PTPRM: variants seen among roughly 807,000 people sequenced by gnomAD.
PTPRM encodes receptor-type tyrosine-protein phosphatase mu.
PTPRM carries 47 observed loss-of-function variants against 186.7 expected under a neutral mutation model. The ratio of observed to expected loss-of-function variants is 0.25; its 90% CI spans 0.20 to 0.32. The LOEUF (loss-of-function observed/expected upper bound fraction) is 0.32. Ranked by LOEUF, PTPRM falls within the 10% of genes least tolerant of loss-of-function variation. PTPRM has a pLI of 1.00. For missense variants in PTPRM, 1,494 were observed against 1,865.0 expected, an observed-to-expected ratio of 0.80 and a Z score of 3.66; for synonymous variants, 668 against 674.9, an observed-to-expected ratio of 0.99 and a Z score of 0.16.
chr18:8,326,296 A>G (rs557677985), intron 22 of PTPRM, among the ~76,000 whole-genome samples: 3 of 152,358 alleles, frequency 2.0e-5, no homozygotes, highest in African/African-American at 7.2e-5. Context: ...TGATACAAAC[A>G]GTGAAAAAAT....
intron 23 of PTPRM, among the ~76,000 whole-genome samples, chr18:8,363,940 A>G (rs1172929884): frequency 6.6e-6 from 1 of 152,246 alleles, no homozygotes; most frequent in East Asian, 1.9e-4. Flanking sequence ...TGCCCATTAA[A>G]TAACAACATT....
chr18:7,769,930 A>G (rs1039494601), intron 1 of PTPRM, among the ~76,000 whole-genome samples: 2 of 152,180 alleles, frequency 1.3e-5, no homozygotes, highest in African/African-American at 4.8e-5. Flanking sequence ...AGTGATGCCA[A>G]CACCACCCCA....
chr18:8,212,720 T>A (rs62091309), intron 14 of PTPRM, among the ~76,000 whole-genome samples: 46,083 of 152,104 alleles, frequency 0.3, 8,208 homozygotes, highest in East Asian at 0.71. Flanking sequence ...GGCAGAAGGA[T>A]CACTTGAGCC....
At chr18:8,171,511 A>G (rs1568460592) in intron 14 of PTPRM, among the ~76,000 whole-genome samples, 1 of 152,180 alleles carries the variant, frequency 6.6e-6, no homozygotes, top group Admixed American at 6.5e-5. Flanking sequence ...AGGGGAAAAA[A>G]TTGTGTCCTT....
At chr18:8,135,159 A>T (rs1396207240) in intron 13 of PTPRM, among the ~76,000 whole-genome samples, 1 of 152,138 alleles carries the variant, frequency 6.6e-6, no homozygotes, top group African/African-American at 2.4e-5. Context: ...TACAATTCAG[A>T]GTGTCTTCCA....
rs151181344 is a variant in PTPRM at position 7,742,927 on chromosome 18, A to T, written c.74-31222A>T. Among the ~76,000 whole-genome samples, 60 of 152,308 alleles carry T rather than the reference A, an allele frequency of 3.9e-4. 1 individual carries two copies. The East Asian group carries it at 0.01, about 26-fold the overall frequency. ...AATTAAATTGGATTGATTTGCATAG[A>T]TTATTTACCCATTAGTTAGGTGCTA... On this transcript the variant is annotated intron_variant, in intron 1 of 32. Transcript: ENST00000580170.
chr18:8,003,179 T>C (rs563283970), intron 7 of PTPRM, among the ~76,000 whole-genome samples: 1 of 152,268 alleles, frequency 6.6e-6, no homozygotes, highest in Non-Finnish European at 1.5e-5. Context: ...GATAATTGAA[T>C]CGTGGTGGTT....
chr18:8,006,347 A>T (rs983799638), intron 7 of PTPRM, among the ~76,000 whole-genome samples: 6 of 152,206 alleles, frequency 3.9e-5, no homozygotes, highest in African/African-American at 1.4e-4. Flanking sequence ...CAGTGTTTCC[A>T]TGAGTGAGAG....
chr18:8,253,517 C>G (rs2094548447), intron 19 of PTPRM, 103 bp downstream of exon 19: 2 of 1,064,098 alleles, frequency 1.9e-6, no homozygotes, highest in South Asian at 6.4e-5. Context: ...ACCCCCTGCC[C>G]CGAGAGATGC....
Position 8,168,484 on chromosome 18 carries a change from A to T in PTPRM, c.2300+24705A>T, listed in dbSNP as rs78192463. The stretch of plus-strand genomic sequence containing the variant: ...GGAGCCTGTGATACCCCTGATTTTA[A>T]TTTTTTTCTCTCTCTCACTAGCAAA... On this transcript the variant is annotated intron_variant, in intron 14 of 32. Coordinates refer to ENST00000580170, the MANE Select transcript of PTPRM (RefSeq NM_001105244.2). Among the ~76,000 whole-genome samples the T allele has an allele frequency of 9.8e-4, 149 of 152,298 alleles. 2 individuals are homozygous for T. The East Asian group carries it at 0.014, about 14-fold the overall frequency.
intron 14 of PTPRM, among the ~76,000 whole-genome samples, chr18:8,151,577 C>T (rs2093007404): frequency 6.9e-6 from 1 of 144,980 alleles, no homozygotes; most frequent in Non-Finnish European, 1.5e-5. Flanking sequence ...GTTTGCTGGG[C>T]TCCATGAGGG....
chr18:7,635,194 T>G (rs2038283784), intron 1 of PTPRM, among the ~76,000 whole-genome samples: 1 of 152,198 alleles, frequency 6.6e-6, no homozygotes, highest in African/African-American at 2.4e-5. Flanking sequence ...TTTAAAATAT[T>G]TTTCCAGCAG....
chr18:7,803,812 G>A (rs2044094724), intron 2 of PTPRM, among the ~76,000 whole-genome samples: 1 of 152,030 alleles, frequency 6.6e-6, no homozygotes, highest in Admixed American at 6.6e-5. Flanking sequence ...GCTCTTCACG[G>A]ACAACACATG....
intron 14 of PTPRM, among the ~76,000 whole-genome samples, chr18:8,144,480 G>C (rs577852361): frequency 5.9e-5 from 9 of 151,994 alleles, no homozygotes; most frequent in Non-Finnish European, 1.3e-4. Context: ...AAATTTGTTG[G>C]GCGTGGTGGC....
At chr18:7,689,342 G>A (rs1349548197) in intron 1 of PTPRM, among the ~76,000 whole-genome samples, 1 of 152,196 alleles carries the variant, frequency 6.6e-6, no homozygotes, top group Non-Finnish European at 1.5e-5. Flanking sequence ...CAAAGGGCTG[G>A]AAAGGTCTCA....
chr18:7,843,964 C>G (rs2046470315), intron 2 of PTPRM, among the ~76,000 whole-genome samples: 1 of 152,160 alleles, frequency 6.6e-6, no homozygotes, highest in Non-Finnish European at 1.5e-5. Flanking sequence ...TACATATGGC[C>G]TCTTCATGTG....
At chr18:7,679,767 G>T (rs2039436482) in intron 1 of PTPRM, among the ~76,000 whole-genome samples, 1 of 152,008 alleles carries the variant, frequency 6.6e-6, no homozygotes, top group Middle Eastern at 3.2e-3. Context: ...GGTTATAATT[G>T]TCTCTAGTAG....
chr18:7,978,180 G>T (rs181819682), intron 7 of PTPRM, among the ~76,000 whole-genome samples: 1 of 152,266 alleles, frequency 6.6e-6, no homozygotes, highest in East Asian at 1.9e-4. Context: ...TTGATTTAAG[G>T]ATGGGATTGG....
chr18:8,279,618 A>G (rs1369188282), intron 19 of PTPRM, among the ~76,000 whole-genome samples: 1 of 152,162 alleles, frequency 6.6e-6, no homozygotes. Flanking sequence ...GTGAGACAGA[A>G]CGTCTCCCTG....
Sources: gnomAD v4.1 joint callset for allele counts (sites outside exome capture counted in the v4.1 genomes callset) on GRCh38, gnomAD v4.1.1 for gene constraint, MANE v1.5 for transcripts, NCBI Gene and HGNC (gene_info 2026-07-23, HGNC 2026-07-21) for gene names.